Variants in PTK2 observed in about 807,000 individuals in gnomAD.
PTK2 encodes the protein focal adhesion kinase 1.
PTK2 carries 45 observed loss-of-function variants against 150.1 expected under a neutral mutation model. The ratio of observed to expected loss-of-function variants is 0.30; its 90% CI spans 0.24 to 0.38. The LOEUF (loss-of-function observed/expected upper bound fraction) is 0.38, where lower values mean the gene tolerates loss of function less well. Ranked by LOEUF, PTK2 falls within the 10% of genes least tolerant of loss-of-function variation. The probability of loss-of-function intolerance (pLI) is 1.00; values close to 1 mark genes in which losing one functional copy is unlikely to be tolerated. For missense variants in PTK2, 919 were observed against 1,307.3 expected (o/e 0.70, Z 4.58); for synonymous variants, 432 against 449.2 (o/e 0.96, Z 0.48).
chr8:140,741,709 C>A (rs1283862868), intron 20 of PTK2, among the ~76,000 whole-genome samples: 1 of 152,036 alleles, frequency 6.6e-6, no homozygotes, highest in Non-Finnish European at 1.5e-5. Context: ...TTATCTAAAC[C>A]TTAGCTAAAG....
chr8:140,946,856 T>C (rs1251118825), intron 1 of PTK2, among the ~76,000 whole-genome samples: 3 of 152,194 alleles, frequency 2.0e-5, no homozygotes, highest in African/African-American at 7.2e-5. Flanking sequence ...ATTAGAACCA[T>C]GCCAAGCACT....
At chr8:140,787,538 T>C (rs1295166654) in intron 14 of PTK2, among the ~76,000 whole-genome samples, 1 of 152,152 alleles carries the variant, frequency 6.6e-6, no homozygotes, top group Non-Finnish European at 1.5e-5. Context: ...AAATCCAAGT[T>C]TGGTGATGAC....
intron 27 of PTK2, among the ~76,000 whole-genome samples, chr8:140,683,170 T>C (rs1411582647): frequency 6.6e-6 from 1 of 152,052 alleles, no homozygotes; most frequent in East Asian, 1.9e-4. Context: ...AAGGGGACAT[T>C]ACCACCAACC....
At chr8:140,992,918 T>C (rs1363921772) in intron 1 of PTK2, among the ~76,000 whole-genome samples, 4 of 152,230 alleles carry the variant, frequency 2.6e-5, no homozygotes, top group Non-Finnish European at 5.9e-5. Context: ...TTAAATGGTT[T>C]AGGGGCATAA....
chr8:140,804,382 G>A (rs2100097079), intron 10 of PTK2, among the ~76,000 whole-genome samples: 1 of 151,618 alleles, frequency 6.6e-6, no homozygotes, highest in Admixed American at 6.6e-5. Flanking sequence ...GAGGCCAGGA[G>A]TTCAAGCAGC....
At chr8:140,970,635 T>C (rs968594592) in intron 1 of PTK2, among the ~76,000 whole-genome samples, 1 of 152,256 alleles carries the variant, frequency 6.6e-6, no homozygotes, top group Non-Finnish European at 1.5e-5. Context: ...TGTGCCATCA[T>C]CACCATTCAC....
chr8:140,710,329 CAAAAA>C (rs71308985), intron 23 of PTK2, among the ~76,000 whole-genome samples: 8 of 111,550 alleles, frequency 7.2e-5, no homozygotes, highest in African/African-American at 1.7e-4. Flanking sequence ...GACCTTGTCT[CAAAAA>C]AAAAAAAAAA....
chr8:140,896,589 G>A (rs982393724), intron 2 of PTK2, among the ~76,000 whole-genome samples: 4 of 152,194 alleles, frequency 2.6e-5, no homozygotes, highest in Admixed American at 1.3e-4. Context: ...ATAAAAACTC[G>A]CAGCAAACTA....
At chr8:140,827,535 T>G (rs1335542012) in intron 8 of PTK2, among the ~76,000 whole-genome samples, 1 of 151,358 alleles carries the variant, frequency 6.6e-6, no homozygotes, top group Non-Finnish European at 1.5e-5. Context: ...CAGAGGAGGG[T>G]TTTTTTTAGG....
rs879038399 is a variant in PTK2, at chr8:140,706,118, C to A, written c.2229+1G>T. 1 of 1,597,474 alleles carries A rather than the reference C, an allele frequency of 6.3e-7. No individual in the cohort carries two copies. Among genetic ancestry groups the A allele is most frequent in the Non-Finnish European group, 8.6e-7 (1 of 1,165,268 alleles). Reference sequence around the variant, plus strand: ...GTTTATATCTGTAATGACTGGCATACCTGGTAATGATTGGTTTGTACCATG... The same window carrying A: ...GTTTATATCTGTAATGACTGGCATAACTGGTAATGATTGGTTTGTACCATG... On this transcript the variant is annotated splice_donor_variant, in intron 24 of 31. Coordinates refer to ENST00000522684, the Ensembl canonical transcript of PTK2. LOFTEE classifies it high-confidence loss of function.
chr8:140,846,708 CTG>C, intron 5 of PTK2, 30 bp from the exon 6 acceptor site: 1 of 1,526,082 alleles, frequency 6.6e-7, no homozygotes, highest in Non-Finnish European at 9.0e-7. Context: ...AAAAACAACA[CTG>C]TTTTAAAAGA....
At chr8:140,870,071 A>C (rs1243696647) in intron 4 of PTK2, among the ~76,000 whole-genome samples, 1 of 152,162 alleles carries the variant, frequency 6.6e-6, no homozygotes, top group Non-Finnish European at 1.5e-5. Flanking sequence ...CCCTCTTTAT[A>C]ATAACAGAAC....
In PTK2 at chr8:140,739,112, A is replaced by G; in HGVS notation, c.1736-5T>C. 1 of 1,523,558 alleles carries G rather than the reference A, an allele frequency of 6.6e-7. No homozygotes were observed. The highest frequency in any genetic ancestry group is 8.8e-7 in the Non-Finnish European group (1 of 1,130,564). 94.4% of individuals were successfully genotyped at this position (1,523,558 alleles called of 1,614,324 possible). On this transcript the variant is annotated splice_polypyrimidine_tract_variant and splice_region_variant and intron_variant, in intron 20 of 31. Coordinates refer to ENST00000522684, the Ensembl canonical transcript of PTK2. ...TAGGCAATTTTCCTTTGGAAGCTAGAAGATTAATTTTAGAAAATAAATTTT... is the reference window on the plus strand; with the variant it reads ...TAGGCAATTTTCCTTTGGAAGCTAGGAGATTAATTTTAGAAAATAAATTTT...
chr8:140,817,896 A>C (rs1467847258), intron 10 of PTK2, among the ~76,000 whole-genome samples: 4 of 149,004 alleles, frequency 2.7e-5, no homozygotes, highest in Non-Finnish European at 4.5e-5. Context: ...TGAATGTATA[A>C]TTTTTTTTTT....
At chr8:140,962,863 C>T (rs1441433109) in intron 1 of PTK2, among the ~76,000 whole-genome samples, 1 of 151,750 alleles carries the variant, frequency 6.6e-6, no homozygotes, top group East Asian at 1.9e-4. Flanking sequence ...AACTTCCTGG[C>T]CCTTGTAGGT....
intron 1 of PTK2, among the ~76,000 whole-genome samples, chr8:140,983,553 A>G (rs1012556096): frequency 9.2e-5 from 14 of 152,180 alleles, no homozygotes; most frequent in Non-Finnish European, 5.9e-5. Flanking sequence ...GAAAAGCATT[A>G]TAACTGGTAA....
chr8:140,936,145 T>TA (rs1244121262), intron 1 of PTK2, among the ~76,000 whole-genome samples: 3 of 151,924 alleles, frequency 2.0e-5, no homozygotes, highest in African/African-American at 7.3e-5. Context: ...TGAGCTGGAG[T>TA]AAAACTCTGT....
At chr8:140,913,190 C>G (rs1435476058) in intron 2 of PTK2, among the ~76,000 whole-genome samples, 1 of 152,020 alleles carries the variant, frequency 6.6e-6, no homozygotes, top group African/African-American at 2.4e-5. Flanking sequence ...TTTTGATTTT[C>G]TATACTCAGA....
At chr8:140,800,727 T>C (rs966640712) in intron 11 of PTK2, 151 bp from the exon 12 acceptor site, 2 of 627,120 alleles carry the variant, frequency 3.2e-6, no homozygotes, top group Non-Finnish European at 5.6e-6. Context: ...AGAAAGGAAA[T>C]CTGATATTTA....
Sources: gnomAD v4.1 joint callset for allele counts (sites outside exome capture counted in the v4.1 genomes callset) on GRCh38, gnomAD v4.1.1 for gene constraint, MANE v1.5 for transcripts, NCBI Gene and HGNC (gene_info 2026-07-23, HGNC 2026-07-21) for gene names.